Variants in P2RX7 observed in about 807,000 individuals in gnomAD.
P2RX7 encodes the protein P2X purinoceptor 7.
P2RX7 carries 62 observed loss-of-function variants against 71.6 expected under a neutral mutation model. The ratio of observed to expected loss-of-function variants is 0.87; its 90% CI spans 0.71 to 1.07. P2RX7 has a LOEUF of 1.07. P2RX7 is among the 50% of genes least tolerant of loss of function. The pLI is 0.00. For synonymous variants in P2RX7, 299 were observed against 283.3 expected (o/e 1.06, Z -0.56); for missense variants, 686 against 748.5 (o/e 0.92, Z 0.97).
chr12:121,146,611 T>C (rs1374956664), intron 1 of P2RX7, among the ~76,000 whole-genome samples: 1 of 152,154 alleles, frequency 6.6e-6, no homozygotes, highest in East Asian at 1.9e-4. Flanking sequence ...GAAGAGGCAG[T>C]GTGCACACTC....
chr12:121,177,515 A>C (rs1023833885), intron 11 of P2RX7, 69 bp downstream of exon 11: 80 of 1,468,976 alleles, frequency 5.4e-5, no homozygotes, highest in Non-Finnish European at 6.9e-5. Context: ...GAAATGCACG[A>C]AAATTAGGCC....
chr12:121,151,266 G>A (rs1245264207), intron 1 of P2RX7, among the ~76,000 whole-genome samples: 1 of 139,124 alleles, frequency 7.2e-6, no homozygotes, highest in Non-Finnish European at 1.6e-5. Flanking sequence ...TTTTCTTTTT[G>A]AGACAGAGTC....
At chr12:121,164,508 C>T (rs1179979452) in intron 5 of P2RX7, among the ~76,000 whole-genome samples, 2 of 152,058 alleles carry the variant, frequency 1.3e-5, no homozygotes, top group East Asian at 3.9e-4. Context: ...TAGCCAGGTG[C>T]GGTGGCTCAC....
At chr12:121,180,625 T>G (rs1426708388) in intron 12 of P2RX7, among the ~76,000 whole-genome samples, 170 bp downstream of exon 12, 1 of 152,138 alleles carries the variant, frequency 6.6e-6, no homozygotes, top group Non-Finnish European at 1.5e-5. Context: ...GGAGTCCCTT[T>G]TATGCCCCCC....
intron 1 of P2RX7, among the ~76,000 whole-genome samples, chr12:121,141,589 C>A (rs1874879747): frequency 6.6e-6 from 1 of 152,170 alleles, no homozygotes; most frequent in African/African-American, 2.4e-5. Flanking sequence ...CCCCAGCCCC[C>A]AGCATCTTAT....
Position 121,142,967 on chromosome 12 carries a change from G to T in P2RX7, c.125+9872G>T, listed in dbSNP as rs140941267. Among the ~76,000 whole-genome samples, 450 of 151,682 alleles carry T rather than the reference G, an allele frequency of 3.0e-3. 1 individual carries two copies. Among genetic ancestry groups the T allele is most frequent in the African/African-American group, 0.01 (431 of 41,290 alleles). On this transcript the variant is annotated intron_variant, in intron 1 of 12. Transcript: ENST00000328963. ...AGCTGGGCGCGCACCTGTAGTCCCA[G>T]CTACTCAGGAGACTGAGGCAAAAGA...
chr12:121,179,158 G>A (rs572172441), intron 11 of P2RX7, among the ~76,000 whole-genome samples: 53 of 152,042 alleles, frequency 3.5e-4, no homozygotes, highest in Non-Finnish European at 6.5e-4. Context: ...GGTCCTCTGC[G>A]TTCAACTCCA....
intron 1 of P2RX7, among the ~76,000 whole-genome samples, chr12:121,135,704 G>A (rs1056905095): frequency 6.6e-6 from 1 of 151,750 alleles, no homozygotes; most frequent in Non-Finnish European, 1.5e-5. Context: ...AATATTGAAT[G>A]ATAAACATAT....
chr12:121,136,023 A>AAAAAAAAAAAAAAAATATATAT, intron 1 of P2RX7, among the ~76,000 whole-genome samples: 14 of 15,258 alleles, frequency 9.2e-4, no homozygotes, highest in South Asian at 5.4e-3. Context: ...AAAAAAAAAA[A>AAAAAAAAAAAAAAAATATATAT]ATATATATAT....
At chr12:121,156,975 G>C (rs1347403103) in intron 3 of P2RX7, among the ~76,000 whole-genome samples, 1 of 152,194 alleles carries the variant, frequency 6.6e-6, no homozygotes, top group African/African-American at 2.4e-5. Flanking sequence ...GCAACATAGT[G>C]AGACCTTGTC....
Position 121,187,603 on chromosome 12 carries a change from G to A in P2RX7, c.*2801G>A, listed in dbSNP as rs568409938. Reference sequence around the variant, plus strand: ...GAATGTGAAATTACAAATAATCACTGGATCCATCTACTGTTTTCCATCACC... The same window carrying A: ...GAATGTGAAATTACAAATAATCACTAGATCCATCTACTGTTTTCCATCACC... On this transcript the variant is annotated 3_prime_UTR_variant, in exon 13 of 13. Coordinates refer to ENST00000328963, the MANE Select transcript of P2RX7 (RefSeq NM_002562.6). 5.0e-4 allele frequency: 76 copies of A among 152,238 alleles called. No individual in the cohort carries two copies. The highest frequency in any genetic ancestry group is 1.8e-3 in the African/African-American group (73 of 41,538). 9.4% of individuals were successfully genotyped at this position (152,238 alleles called of 1,614,324 possible). A position where few individuals can be genotyped will look rare whatever the true frequency, so the allele number is the denominator to read the frequency against.
At chr12:121,174,042 TCTTTTC>T (rs1882649316) in intron 8 of P2RX7, among the ~76,000 whole-genome samples, 1 of 127,536 alleles carries the variant, frequency 7.8e-6, no homozygotes, top group Non-Finnish European at 1.6e-5. Flanking sequence ...TTTTTTCTTT[TCTTTTC>T]TTTTTTTTTT....
intron 11 of P2RX7, among the ~76,000 whole-genome samples, chr12:121,178,628 C>T (rs1170468814): frequency 6.6e-6 from 1 of 151,926 alleles, no homozygotes; most frequent in Non-Finnish European, 1.5e-5. Context: ...CCCATCTCTA[C>T]TAAAAATACA....
At position 121,144,301 on chromosome 12, in the gene P2RX7, G is replaced by A. The variant is rs918382731; in HGVS notation, c.126-10484G>A. Among the ~76,000 whole-genome samples, 5 of 152,258 alleles carry A rather than the reference G, an allele frequency of 3.3e-5. No homozygotes were observed. The South Asian group carries it at 6.2e-4, about 19-fold the overall frequency. ...CGACCTCTACCTTCCGGATTCAAGC[G>A]ATTCTCCTACCTCAGCTTCCTGAGT... On this transcript the variant is annotated intron_variant, in intron 1 of 12. Transcript: ENST00000328963.
chr12:121,175,535 T>C (rs1433325610), intron 9 of P2RX7, 57 bp downstream of exon 9: 16 of 803,616 alleles, frequency 2.0e-5, no homozygotes, highest in Non-Finnish European at 3.4e-5. Context: ...TCCTAATTAC[T>C]GCTGTGGGGC....
intron 1 of P2RX7, among the ~76,000 whole-genome samples, chr12:121,138,634 A>G (rs1874204219): frequency 6.6e-6 from 1 of 152,266 alleles, no homozygotes; most frequent in East Asian, 1.9e-4. Flanking sequence ...GTAGGCAGAC[A>G]AAAATCGGTG....
rs769434301 is a variant in P2RX7, at chr12:121,175,429, C to G, written c.923C>G (p.Thr308Ser). ...AAGGAAAACAATGTTGAGAAACGGA[C>G]TCTGATAAAAGTCTTCGGGATCCGT... ...YYKENNVEKR[T>S]LIKVFGIRFD... Residue 308 changes from threonine (T) to serine (S), a missense_variant, in exon 9 of 13, where the codon ACT (threonine) becomes AGT (serine). Physicochemically the swap from Thr to Ser is moderately conservative, Grantham distance 58 (BLOSUM62 1). Transcript: ENST00000328963. The G allele has an allele frequency of 1.3e-6, 2 of 1,598,282 alleles. No individual in the cohort carries two copies. Among genetic ancestry groups the G allele is most frequent in the Non-Finnish European group, 1.7e-6 (2 of 1,165,900 alleles).
Position 121,154,354 on chromosome 12 carries a change from G to T in P2RX7, c.126-431G>T, listed in dbSNP as rs1878133865. Among the ~76,000 whole-genome samples, 2 of 152,120 alleles carry T rather than the reference G, an allele frequency of 1.3e-5. No individual in the cohort carries two copies. The highest frequency in any genetic ancestry group is 6.6e-5 in the Admixed American group (1 of 15,264). Reference sequence around the variant, plus strand: ...TTTCAATGTTATTGATAAAGCAGGTGGGTGTTTCTGAAAATGCACCAGATG... The same window carrying T: ...TTTCAATGTTATTGATAAAGCAGGTTGGTGTTTCTGAAAATGCACCAGATG... On this transcript the variant is annotated intron_variant, in intron 1 of 12. Coordinates refer to ENST00000328963, the MANE Select transcript of P2RX7 (RefSeq NM_002562.6). The surrounding 1 kb of genome is among the most constrained non-coding windows in gnomAD (Gnocchi z 4.2).
chr12:121,161,555 G>T (rs1879709954), intron 4 of P2RX7, among the ~76,000 whole-genome samples: 1 of 151,938 alleles, frequency 6.6e-6, no homozygotes, highest in Non-Finnish European at 1.5e-5. Context: ...CACTTTGGGA[G>T]GGTGAGGCAG....
Sources: gnomAD v4.1 joint callset for allele counts (sites outside exome capture counted in the v4.1 genomes callset) on GRCh38, gnomAD v4.1.1 for gene constraint, Gnocchi (gnomAD v3.1) non-coding constraint, MANE v1.5 for transcripts, NCBI Gene and HGNC (gene_info 2026-07-23, HGNC 2026-07-21) for gene names.